Variants in WDR25 observed in about 807,000 individuals in gnomAD.
WDR25 encodes WD repeat domain 25.
Under a neutral mutation model 47.7 loss-of-function variants are expected in WDR25, and 35 were observed. The observed-to-expected ratio is 0.73, with a 90% CI of 0.56 to 0.97. The LOEUF is 0.97. Among genes scored for constraint, WDR25 ranks in the 50% least tolerant of loss-of-function variants. WDR25 has a pLI of 0.00. For missense variants in WDR25, 634 were observed against 704.7 expected, an observed-to-expected ratio of 0.90 and a Z score of 1.14; for synonymous variants, 248 against 278.9, an observed-to-expected ratio of 0.89 and a Z score of 1.10.
chr14:100,433,325 T>A (rs1414177059), intron 2 of WDR25, among the ~76,000 whole-genome samples: 1 of 152,240 alleles, frequency 6.6e-6, no homozygotes, highest in African/African-American at 2.4e-5. Flanking sequence ...TGTGATTAGG[T>A]TCAGGTGATG....
chr14:100,477,504 C>G (rs932262621), intron 3 of WDR25, among the ~76,000 whole-genome samples: 1 of 152,094 alleles, frequency 6.6e-6, no homozygotes, highest in Non-Finnish European at 1.5e-5. Context: ...GCAAGATGGT[C>G]TTAAGGTTAA....
chr14:100,438,854 A>G (rs896109390), intron 2 of WDR25, among the ~76,000 whole-genome samples: 1 of 152,244 alleles, frequency 6.6e-6, no homozygotes, highest in Non-Finnish European at 1.5e-5. Context: ...GTACAGTGAT[A>G]TGCTCAGGGT....
Position 100,523,981 on chromosome 14 carries a change from C to T in WDR25, c.1102-1889C>T, listed in dbSNP as rs137959364. 4.5e-4 allele frequency among the ~76,000 whole-genome samples: 68 copies of T among 152,216 alleles called. 1 individual carries two copies. The highest frequency in any genetic ancestry group is 1.5e-3 in the African/African-American group (63 of 41,540). Reference sequence around the variant, plus strand: ...GTTGTGAAGGCGAGTAAATCATGTTCGGTGGCGATCACTTCAAAGGCCAGC... The same window carrying T: ...GTTGTGAAGGCGAGTAAATCATGTTTGGTGGCGATCACTTCAAAGGCCAGC... On this transcript the variant is annotated intron_variant, in intron 4 of 6. Transcript: ENST00000402312. The surrounding 1 kb of genome is among the most constrained non-coding windows in gnomAD (Gnocchi z 4.7).
intron 2 of WDR25, among the ~76,000 whole-genome samples, chr14:100,459,913 T>TATATATATATATATATATATAC (rs1566920278): frequency 2.1e-5 from 2 of 93,800 alleles, no homozygotes; most frequent in African/African-American, 1.0e-4. Flanking sequence ...TATATATATA[T>TATATATATATATATATATATAC]ATATATATAT....
chr14:100,389,957 C>G (rs1412138225), intron 2 of WDR25, among the ~76,000 whole-genome samples: 3 of 152,174 alleles, frequency 2.0e-5, no homozygotes, highest in Admixed American at 6.5e-5. Flanking sequence ...TCCTGGATGT[C>G]CCTGGATTGA....
At chr14:100,382,262 G>T (rs1285748985) in intron 2 of WDR25, 6 of 683,576 alleles carry the variant, frequency 8.8e-6, no homozygotes, top group African/African-American at 3.5e-5. Flanking sequence ...AGGACACACA[G>T]GTGCTCTGGG....
chr14:100,459,894 G>GTATATATATATATA (rs61706956), intron 2 of WDR25, among the ~76,000 whole-genome samples: 12 of 78,266 alleles, frequency 1.5e-4, no homozygotes, highest in Non-Finnish European at 2.2e-4. Context: ...GTGTGTGTGT[G>GTATATATATATATA]TATATATATA....
chr14:100,444,873 T>G (rs1407831589), intron 2 of WDR25, among the ~76,000 whole-genome samples: 1 of 152,242 alleles, frequency 6.6e-6, no homozygotes, highest in African/African-American at 2.4e-5. Context: ...CTGTGGCACC[T>G]TCTACTTCGT....
intron 2 of WDR25, among the ~76,000 whole-genome samples, chr14:100,384,330 A>G (rs1413629751): frequency 1.3e-5 from 2 of 152,242 alleles, no homozygotes; most frequent in Non-Finnish European, 2.9e-5. Context: ...TATTTGGCAA[A>G]TTGGTTTTGG....
chr14:100,422,161 G>A (rs1898045176), intron 2 of WDR25, among the ~76,000 whole-genome samples: 1 of 152,156 alleles, frequency 6.6e-6, no homozygotes, highest in Non-Finnish European at 1.5e-5. Flanking sequence ...GGTATCATGT[G>A]GGGCAGCTCA....
intron 2 of WDR25, among the ~76,000 whole-genome samples, chr14:100,422,958 T>C (rs1205056345): frequency 6.6e-6 from 1 of 152,208 alleles, no homozygotes; most frequent in African/African-American, 2.4e-5. Context: ...ACAGAGTTTA[T>C]TGCAAACTAT....
intron 1 of WDR25, chr14:100,376,901 T>C (rs1028680636): frequency 1.8e-5 from 8 of 435,098 alleles, no homozygotes; most frequent in Non-Finnish European, 2.3e-5. Context: ...ATTCCAGAAA[T>C]ATTTTTAGAC....
At chr14:100,476,915 G>A (rs956502693) in intron 3 of WDR25, among the ~76,000 whole-genome samples, 2 of 152,208 alleles carry the variant, frequency 1.3e-5, no homozygotes, top group African/African-American at 2.4e-5. Flanking sequence ...TGGCCTGGAC[G>A]AAATACCTAT....
rs753335107 is a variant in WDR25, at chr14:100,381,283, G to C, written c.359G>C (p.Ser120Thr). The C allele has an allele frequency of 6.2e-7, 1 of 1,614,144 alleles. No homozygotes were observed. The highest frequency in any genetic ancestry group is 1.3e-5 in the African/African-American group (1 of 75,028). The stretch of plus-strand genomic sequence containing the variant: ...CCTTCTTGTTCTTCTCTGTGGACGA[G>C]CCATGTTCCAGCCAGCCACATGCCC... Reference protein sequence around the residue: ...KEPSCSSLWTSHVPASHMPLA... With the variant: ...KEPSCSSLWTTHVPASHMPLA... Residue 120 changes from serine to threonine, a missense_variant, in exon 2 of 7, where the codon AGC (serine) becomes ACC (threonine). Ser to Thr is a moderately conservative substitution (Grantham distance 58, BLOSUM62 1). Coordinates refer to ENST00000402312, the MANE Select transcript of WDR25 (RefSeq NM_001161476.3).
In WDR25 at chr14:100,459,945, T is replaced by TATATAC. The variant is rs1566920424; in HGVS notation, c.823-8075_823-8074insTATACA. On this transcript the variant is annotated intron_variant, in intron 2 of 6. Coordinates refer to ENST00000402312, the MANE Select transcript of WDR25 (RefSeq NM_001161476.3). ...ATATATATATATATATATATACACATACACATACACACACATATACACACA... is the reference window on the plus strand; with the variant it reads ...ATATATATATATATATATATACACATATATACACACATACACACACATATACACACA... 9.3e-4 allele frequency among the ~76,000 whole-genome samples: 78 copies of TATATAC among 83,906 alleles called. 1 individual carries two copies. The highest frequency in any genetic ancestry group is 1.8e-3 in the Non-Finnish European group (64 of 36,216). The allele number at this position is 83,906 out of a possible 152,430, so 55.0% of individuals were successfully genotyped here.
chr14:100,396,334 T>C (rs1897260563), intron 2 of WDR25, among the ~76,000 whole-genome samples: 2 of 152,168 alleles, frequency 1.3e-5, no homozygotes, highest in African/African-American at 4.8e-5. Flanking sequence ...TGTACATTTG[T>C]TTATTATTTA....
intron 2 of WDR25, among the ~76,000 whole-genome samples, chr14:100,455,829 G>A (rs1385453202): frequency 6.6e-6 from 1 of 152,136 alleles, no homozygotes; most frequent in Non-Finnish European, 1.5e-5. Flanking sequence ...ATCACTGCTG[G>A]CCTTCTTGTT....
intron 4 of WDR25, among the ~76,000 whole-genome samples, chr14:100,517,761 T>C (rs1254606864): frequency 2.0e-5 from 3 of 152,134 alleles, no homozygotes; most frequent in East Asian, 3.9e-4. Context: ...GGAGAATCAC[T>C]TGGACCCAGG....
rs1285192172 is a variant in WDR25 at position 100,424,401 on chromosome 14, AC to A, written c.822+42657del. On this transcript the variant is annotated intron_variant, in intron 2 of 6. Coordinates refer to ENST00000402312, the MANE Select transcript of WDR25 (RefSeq NM_001161476.3). This position sits in a 1 kb window ranked among gnomAD's most constrained non-coding sequence, Gnocchi z 4.2. The stretch of plus-strand genomic sequence containing the variant: ...ACCTGTTATCCTAATTAAACCTCAG[AC>A]CTTGTTTGCATGTTAAGAGTTAGCA... Among the ~76,000 whole-genome samples the A allele has an allele frequency of 6.6e-6, 1 of 152,098 alleles. No homozygotes were observed.
Sources: allele counts gnomAD v4.1 joint callset (sites outside exome capture counted in the v4.1 genomes callset), GRCh38; gene constraint gnomAD v4.1.1; non-coding constraint Gnocchi (gnomAD v3.1); transcripts MANE v1.5; gene names NCBI Gene and HGNC (gene_info 2026-07-23, HGNC 2026-07-21).